Variants in AHNAK observed in about 807,000 individuals in gnomAD.
AHNAK encodes neuroblast differentiation-associated protein AHNAK.
Under a neutral mutation model 37.8 loss-of-function variants are expected in AHNAK, and 23 were observed. The ratio of observed to expected loss-of-function variants is 0.61; its 90% CI spans 0.44 to 0.86. The LOEUF is 0.86. Ranked by LOEUF, AHNAK falls within the 40% of genes least tolerant of loss-of-function variation. The pLI is 0.00. For missense variants in AHNAK, 7,411 were observed against 7,319.4 expected (o/e 1.01, Z -0.46); for synonymous variants, 2,481 against 2,636.3 (o/e 0.94, Z 1.80).
In AHNAK at chr11:62,521,778, G is replaced by T; in HGVS notation, c.12639C>A (p.Pro4213=). ...GEGPDVDVNL[P]KADLDVSGPK... ...GTCCTGAGACGTCAAGGTCAGCCTTGGGCAGGTTCACATCCACATCTGGGC... is the reference window on the plus strand; with the variant it reads ...GTCCTGAGACGTCAAGGTCAGCCTTTGGCAGGTTCACATCCACATCTGGGC... The change falls in exon 5 of 5, where the codon CCC becomes CCA. Residue 4213 remains proline, a synonymous_variant. Coordinates refer to ENST00000378024, the MANE Select transcript of AHNAK (RefSeq NM_001620.3). 1 of 1,607,224 alleles carries T rather than the reference G, an allele frequency of 6.2e-7. No individual in the cohort carries two copies. The highest frequency in any genetic ancestry group is 8.5e-7 in the Non-Finnish European group (1 of 1,177,756).
chr11:62,544,216 G>A (rs1941229993), intron 1 of AHNAK, among the ~76,000 whole-genome samples: 1 of 152,130 alleles, frequency 6.6e-6, no homozygotes, highest in Non-Finnish European at 1.5e-5. Flanking sequence ...GGGACCCCCA[G>A]CCAACTCCGT....
intron 4 of AHNAK, among the ~76,000 whole-genome samples, chr11:62,503,538 G>A (rs1315143506): frequency 1.3e-5 from 2 of 150,380 alleles, no homozygotes; most frequent in African/African-American, 4.9e-5. Flanking sequence ...AGCCAAGACC[G>A]TGTCATTGCA....
Position 62,501,221 on chromosome 11 carries a change from T to A in AHNAK, c.343-9390A>T, listed in dbSNP as rs77235084. ...CATCCAAAAAAAAAAAACAATTTTA[T>A]CCCTGCCTTTCAAAGGGATTTCCAG... On this transcript the variant is annotated intron_variant, in intron 4 of 5. Coordinates refer to the AHNAK transcript ENST00000257247. 3.3e-3 allele frequency among the ~76,000 whole-genome samples: 508 copies of A among 151,954 alleles called. 15 individuals carry two copies. In the East Asian group the frequency reaches 0.076, roughly 23 times the overall value.
Position 62,532,160 on chromosome 11 carries a change from T to G in AHNAK, c.2257A>C (p.Lys753Gln). The G allele has an allele frequency of 1.2e-6, 2 of 1,614,140 alleles. No homozygotes were observed. Among genetic ancestry groups the G allele is most frequent in the Non-Finnish European group, 1.7e-6 (2 of 1,180,026 alleles). Residue 753 changes from lysine (K) to glutamine (Q), a missense_variant, in exon 5 of 5, where the codon AAA (lysine) becomes CAA (glutamine). Lys to Gln is a moderately conservative substitution (Grantham distance 53). Coordinates refer to ENST00000378024, the MANE Select transcript of AHNAK (RefSeq NM_001620.3). ...CCTGGCACACTGAATTTGGGCATTT[T>G]CATCTTGGGCATCTTCAAGTGCCAG... Reference protein sequence around the residue: ...PDWHLKMPKMKMPKFSVPGFK... With the variant: ...PDWHLKMPKMQMPKFSVPGFK...
chr11:62,463,631 T>G (rs545969474), intron 5 of AHNAK, among the ~76,000 whole-genome samples: 1 of 152,322 alleles, frequency 6.6e-6, no homozygotes, highest in African/African-American at 2.4e-5. Context: ...CCTGTTCTGC[T>G]GACAGGGTGA....
intron 5 of AHNAK, among the ~76,000 whole-genome samples, chr11:62,437,045 C>T (rs1938187334): frequency 6.6e-6 from 1 of 152,096 alleles, no homozygotes; most frequent in South Asian, 2.1e-4. Flanking sequence ...ACCACCACTC[C>T]AGGCCACATA....
At position 62,520,314 on chromosome 11, in the gene AHNAK, A is replaced by C; in HGVS notation, c.14103T>G (p.Asp4701Glu). ...TGAACTTGGGGCCCTTTAGTTTCGC[A>C]TCTGGACCTTCGATATTCACATCAG... ...DVPDVNIEGP[D>E]AKLKGPKFKM... The change falls in exon 5 of 5, where the codon GAT (aspartate) becomes GAG (glutamate). Residue 4701 changes from aspartate to glutamate, a missense_variant. Asp to Glu is a conservative substitution (Grantham distance 45). Transcript: ENST00000378024. 6.2e-7 allele frequency: 1 copy of C among 1,607,156 alleles called. No individual in the cohort carries two copies. The highest frequency in any genetic ancestry group is 8.5e-7 in the Non-Finnish European group (1 of 1,177,800).
rs1374494777 is a variant in AHNAK at position 62,530,486 on chromosome 11, A to G, written c.3931T>C (p.Phe1311Leu). 6.2e-6 allele frequency: 10 copies of G among 1,612,386 alleles called. No individual in the cohort carries two copies. Among genetic ancestry groups the G allele is most frequent in the South Asian group, 1.1e-5 (1 of 91,018 alleles). ...TTGAAGTGCATCTCAGGCATCTTAA[A>G]CTTGGGGCCCTTCAGCTTTCCTTCC... ...GPEGKLKGPK[F>L]KMPEMHFKAP... Residue 1311 changes from phenylalanine to leucine, a missense_variant, in exon 5 of 5, where the codon TTT becomes CTT. Physicochemically the swap from Phe to Leu is conservative, Grantham distance 22 (BLOSUM62 0). Transcript: ENST00000378024.
At chr11:62,447,400 C>T (rs931850451) in intron 5 of AHNAK, among the ~76,000 whole-genome samples, 4 of 152,120 alleles carry the variant, frequency 2.6e-5, no homozygotes, top group African/African-American at 9.7e-5. Context: ...TCATCACCAC[C>T]CCACATCCCA....
chr11:62,454,758 G>T (rs1409493925), intron 5 of AHNAK, among the ~76,000 whole-genome samples: 1 of 151,916 alleles, frequency 6.6e-6, no homozygotes, highest in Non-Finnish European at 1.5e-5. Context: ...GGAGTGAGAG[G>T]CATTTAATGA....
chr11:62,508,236 A>G (rs1241730220), intron 4 of AHNAK, among the ~76,000 whole-genome samples: 1 of 152,204 alleles, frequency 6.6e-6, no homozygotes, highest in Non-Finnish European at 1.5e-5. Context: ...CTTCAGGGAA[A>G]CGGCAGTGAC....
intron 5 of AHNAK, among the ~76,000 whole-genome samples, chr11:62,477,565 G>A (rs938687904): frequency 1.3e-5 from 2 of 152,194 alleles, no homozygotes; most frequent in Non-Finnish European, 2.9e-5. Context: ...AGCACTTTGG[G>A]AGGCCAAGGC....
chr11:62,434,932 CAA>C (rs55712038), intron 5 of AHNAK, among the ~76,000 whole-genome samples: 3,429 of 84,288 alleles, frequency 0.041, 138 homozygotes, highest in African/African-American at 0.14. Context: ...GACCCTGTCT[CAA>C]AAAAAAAAAA....
intron 5 of AHNAK, among the ~76,000 whole-genome samples, chr11:62,454,703 G>A (rs1038896732): frequency 7.2e-5 from 11 of 152,088 alleles, no homozygotes; most frequent in South Asian, 6.2e-4. Flanking sequence ...AGGGCGATGG[G>A]GAGAAGAGTG....
chr11:62,484,272 G>A (rs2134877716), intron 5 of AHNAK, among the ~76,000 whole-genome samples: 1 of 151,656 alleles, frequency 6.6e-6, no homozygotes, highest in Admixed American at 6.6e-5. Context: ...GGTAGTCTTA[G>A]CTACTCTGGA....
At position 62,531,156 on chromosome 11, in the gene AHNAK, G is replaced by T. The variant is rs1271347038; in HGVS notation, c.3261C>A (p.Ile1087=). ...TTTCACCCTCTATCTTTGGTGCAGA[G>T]ATATCTACATTTCCTTTCATTTTGG... ...KGPKMKGNVD[I]SAPKIEGEMQ... The change falls in exon 5 of 5, where the codon ATC becomes ATA. Residue 1087 remains isoleucine, a synonymous_variant. Transcript: ENST00000378024. 1 of 1,613,932 alleles carries T rather than the reference G, an allele frequency of 6.2e-7. No individual in the cohort carries two copies. Among genetic ancestry groups the T allele is most frequent in the African/African-American group, 1.3e-5 (1 of 74,886 alleles).
At chr11:62,433,746 C>T (rs1450405277) in exon 6 of AHNAK, 3 of 1,263,240 alleles carry the variant, frequency 2.4e-6, no homozygotes, top group Non-Finnish European at 2.3e-6. Context: ...AAAGCCGCCT[C>T]GCGGAAGGTA....
intron 5 of AHNAK, among the ~76,000 whole-genome samples, chr11:62,437,190 C>T (rs1045622789): frequency 6.6e-6 from 1 of 152,166 alleles, no homozygotes; most frequent in African/African-American, 2.4e-5. Context: ...GGAATCAGAG[C>T]ATATAATCTT....
Position 62,506,862 on chromosome 11 carries a change from C to G in AHNAK, c.343-15031G>C, listed in dbSNP as rs552111292. 2.2e-4 allele frequency among the ~76,000 whole-genome samples: 33 copies of G among 152,294 alleles called. 3 individuals are homozygous for G. The highest frequency in any genetic ancestry group is 2.1e-3 in the East Asian group (11 of 5,180). On this transcript the variant is annotated intron_variant, in intron 4 of 5. Transcript: ENST00000257247. Reference sequence around the variant, plus strand: ...GCAGCCAGGAGGCTGAGCCTGAACCCTAAACCCTACTCCCTCCTCCCCAAA... The same window carrying G: ...GCAGCCAGGAGGCTGAGCCTGAACCGTAAACCCTACTCCCTCCTCCCCAAA...
Sources: gnomAD v4.1 joint callset for allele counts (sites outside exome capture counted in the v4.1 genomes callset) on GRCh38, gnomAD v4.1.1 for gene constraint, MANE v1.5 for transcripts, NCBI Gene and HGNC (gene_info 2026-07-23, HGNC 2026-07-21) for gene names.